The following SACM1L variants were observed in gnomAD, a reference collection of about 807,000 sequenced individuals.
SACM1L encodes the protein phosphatidylinositol-3-phosphatase SAC1.
In SACM1L, 32 loss-of-function variants were observed where a neutral mutation model predicts 89.5. The ratio of observed to expected loss-of-function variants is 0.36; its 90% CI spans 0.27 to 0.48. The LOEUF (loss-of-function observed/expected upper bound fraction) is 0.48, where lower values mean the gene tolerates loss of function less well. SACM1L is among the 20% of genes least tolerant of loss of function. The pLI, the probability that SACM1L is intolerant of heterozygous loss-of-function variation, is 0.99. For missense variants in SACM1L, 543 were observed against 708.5 expected (o/e 0.77, Z 2.65); for synonymous variants, 213 against 232.8 (o/e 0.92, Z 0.77).
At chr3:45,698,983 C>T (rs903162257) in intron 1 of SACM1L, among the ~76,000 whole-genome samples, 3 of 152,138 alleles carry the variant, frequency 2.0e-5, no homozygotes, top group African/African-American at 7.2e-5. Flanking sequence ...CCATGTTGGC[C>T]AGGATGGTCT....
At chr3:45,706,623 C>A (rs1416571277) in intron 3 of SACM1L, among the ~76,000 whole-genome samples, 157 bp from the exon 4 acceptor site, 1 of 152,138 alleles carries the variant, frequency 6.6e-6, no homozygotes, top group African/African-American at 2.4e-5. Context: ...CCTTTCTATT[C>A]ATAAATTGTA....
Position 45,739,577 on chromosome 3 carries a change from T to C in SACM1L, c.1570-10T>C. ...CTTAAATGATGATCTCTTTCTATTG[T>C]CTTTTCCAGTTGCCTATTATCATGG... On this transcript the variant is annotated splice_polypyrimidine_tract_variant and intron_variant, in intron 18 of 19. Coordinates refer to ENST00000389061, the MANE Select transcript of SACM1L (RefSeq NM_014016.5). 1 of 1,613,762 alleles carries C rather than the reference T, an allele frequency of 6.2e-7. No individual in the cohort carries two copies. The highest frequency in any genetic ancestry group is 8.5e-7 in the Non-Finnish European group (1 of 1,179,622).
intron 2 of SACM1L, 46 bp from the exon 3 acceptor site, chr3:45,705,089 G>T: frequency 3.2e-6 from 4 of 1,259,170 alleles, no homozygotes; most frequent in Non-Finnish European, 4.6e-6. Flanking sequence ...GTTTCTGTTG[G>T]TGAGCTTTTT....
intron 7 of SACM1L, among the ~76,000 whole-genome samples, chr3:45,714,797 A>G (rs1698611571): frequency 6.6e-6 from 1 of 152,242 alleles, no homozygotes; most frequent in Non-Finnish European, 1.5e-5. Flanking sequence ...CATAGACATC[A>G]TAATAAAAAT....
At chr3:45,705,333 G>T in intron 3 of SACM1L, 124 bp downstream of exon 3, 2 of 495,222 alleles carry the variant, frequency 4.0e-6, no homozygotes, top group Non-Finnish European at 7.2e-6. Flanking sequence ...AAATCTCTTG[G>T]TTAAGTATTT....
intron 1 of SACM1L, 161 bp downstream of exon 1, chr3:45,689,658 C>T: frequency 1.2e-6 from 1 of 823,240 alleles, no homozygotes; most frequent in Non-Finnish European, 1.9e-6. Context: ...CTAGGCCTCG[C>T]CCGAGTAGCC....
intron 2 of SACM1L, 73 bp downstream of exon 2, chr3:45,703,608 A>T (rs1263192930): frequency 2.0e-6 from 2 of 998,982 alleles, no homozygotes; most frequent in East Asian, 5.0e-5. Context: ...AAAAAACATC[A>T]CTCAGAGGTG....
At chr3:45,728,591 T>A (rs1698979334) in intron 11 of SACM1L, among the ~76,000 whole-genome samples, 1 of 152,212 alleles carries the variant, frequency 6.6e-6, no homozygotes, top group Non-Finnish European at 1.5e-5. Flanking sequence ...TATGTTGACA[T>A]TTCAAATTCC....
intron 16 of SACM1L, 27 bp downstream of exon 16, chr3:45,737,871 C>G: frequency 2.5e-6 from 4 of 1,578,620 alleles, no homozygotes; most frequent in Non-Finnish European, 3.5e-6. Flanking sequence ...AAATAGCATT[C>G]CACATCAGTA....
chr3:45,710,666 G>A (rs1000307615), intron 5 of SACM1L, among the ~76,000 whole-genome samples: 7 of 151,894 alleles, frequency 4.6e-5, no homozygotes, highest in African/African-American at 1.5e-4. Context: ...TTAAAAGGTC[G>A]CTCCATCTTA....
intron 7 of SACM1L, among the ~76,000 whole-genome samples, chr3:45,716,813 A>G (rs1398419934): frequency 2.6e-5 from 4 of 152,158 alleles, no homozygotes; most frequent in African/African-American, 7.2e-5. Context: ...AAAGACTAGA[A>G]GTAAATACAC....
Position 45,743,545 on chromosome 3 carries a change from C to G in SACM1L, c.1640C>G (p.Thr547Arg). 1 of 1,610,180 alleles carries G rather than the reference C, an allele frequency of 6.2e-7. No individual in the cohort carries two copies. Among genetic ancestry groups the G allele is most frequent in the East Asian group, 2.2e-5 (1 of 44,788 alleles). The stretch of plus-strand genomic sequence containing the variant: ...TTAATATCAACAGGTGACACTTGGA[C>G]AGAAACACTGGCCTATGTGCTCTTC... ...ICLLMAGDTW[T>R]ETLAYVLFWG... is the part of the protein sequence containing the mutation. Residue 547 changes from threonine to arginine, a missense_variant, in exon 20 of 20, where the codon ACA (threonine) becomes AGA (arginine). By Grantham distance (71) the Thr-to-Arg change is moderately conservative. Transcript: ENST00000389061.
At chr3:45,733,436 T>A (rs1204229217) in intron 13 of SACM1L, among the ~76,000 whole-genome samples, 1 of 152,204 alleles carries the variant, frequency 6.6e-6, no homozygotes, top group Non-Finnish European at 1.5e-5. Flanking sequence ...AGCGATAATG[T>A]TTATAACATA....
intron 19 of SACM1L, chr3:45,739,959 A>G: frequency 2.7e-6 from 1 of 369,684 alleles, no homozygotes; most frequent in South Asian, 3.3e-5. Context: ...GCCCAGGAAA[A>G]AGAGACACAA....
chr3:45,732,116 A>T lies in SACM1L; in HGVS notation c.1065A>T (p.Leu355Phe). Reference protein sequence around the residue: ...KNMRWDRLSILLDQVAEMQDE... With the variant: ...KNMRWDRLSIFLDQVAEMQDE... ...TGAGATGGGATCGACTAAGTATTTTATTGGATCAGGTAGCAGAAATGCAAG... is the reference window on the plus strand; with the variant it reads ...TGAGATGGGATCGACTAAGTATTTTTTTGGATCAGGTAGCAGAAATGCAAG... Residue 355 changes from leucine to phenylalanine, a missense_variant, in exon 13 of 20, where the codon TTA becomes TTT. Leu to Phe is a conservative substitution (Grantham distance 22, BLOSUM62 0). Around this residue, in one of 2 missense-constraint regions of SACM1L, gnomAD observed 370 missense variants for 527.6 expected, o/e 0.70. Transcript: ENST00000389061. 1 of 1,606,796 alleles carries T rather than the reference A, an allele frequency of 6.2e-7. No individual in the cohort carries two copies. Among genetic ancestry groups the T allele is most frequent in the Non-Finnish European group, 8.5e-7 (1 of 1,177,382 alleles).
intron 18 of SACM1L, 27 bp downstream of exon 18, chr3:45,738,900 G>C: frequency 1.4e-6 from 2 of 1,410,352 alleles, no homozygotes; most frequent in Non-Finnish European, 2.0e-6. Context: ...TATTTTTCAA[G>C]TTTTTAAAAG....
chr3:45,722,470 T>C (rs964309739), intron 9 of SACM1L, among the ~76,000 whole-genome samples: 1 of 152,150 alleles, frequency 6.6e-6, no homozygotes, highest in Admixed American at 6.6e-5. Context: ...TGTACACCAC[T>C]TGCTGCTCCA....
In SACM1L at chr3:45,732,274, C is replaced by T. The variant is rs901128999; in HGVS notation, c.1100+123C>T. 6 of 460,472 alleles carry T rather than the reference C, an allele frequency of 1.3e-5. No individual in the cohort carries two copies. In the East Asian group the frequency reaches 1.7e-4, roughly 13 times the overall value. The allele number at this position is 460,472 out of a possible 1,614,324, so 28.5% of individuals were successfully genotyped here. ...ACTGGATTGTCATTGCTTGTCTGTA[C>T]TATTTTATTATTTTTAATTTCTTTA... On this transcript the variant is annotated intron_variant, in intron 13 of 19. Transcript: ENST00000389061.
In SACM1L at chr3:45,733,422, T is replaced by C. The variant is rs543221441; in HGVS notation, c.1100+1271T>C. 7.9e-5 allele frequency among the ~76,000 whole-genome samples: 12 copies of C among 152,276 alleles called. No individual in the cohort carries two copies. The South Asian group carries it at 1.2e-3, about 16-fold the overall frequency. ...GTGAAGATGATAACTTACTGTATAGTTTAAGCGATAATGTTTATAACATAT... is the reference window on the plus strand; with the variant it reads ...GTGAAGATGATAACTTACTGTATAGCTTAAGCGATAATGTTTATAACATAT... On this transcript the variant is annotated intron_variant, in intron 13 of 19. Coordinates refer to ENST00000389061, the MANE Select transcript of SACM1L (RefSeq NM_014016.5).
Sources: gnomAD v4.1 joint callset for allele counts (sites outside exome capture counted in the v4.1 genomes callset) on GRCh38, gnomAD v4.1.1 for gene constraint, gnomAD v4.1.1 regional missense constraint, MANE v1.5 for transcripts, NCBI Gene and HGNC (gene_info 2026-07-23, HGNC 2026-07-21) for gene names.